TICRR: variants seen among roughly 807,000 people sequenced by gnomAD.
TICRR encodes treslin.
Under a neutral mutation model 178.1 loss-of-function variants are expected in TICRR, and 132 were observed. The observed-to-expected ratio is 0.74, with a 90% CI of 0.64 to 0.86. The LOEUF (loss-of-function observed/expected upper bound fraction) is 0.86, where lower values mean the gene tolerates loss of function less well. Ranked by LOEUF, TICRR falls within the 40% of genes least tolerant of loss-of-function variation. The probability of loss-of-function intolerance (pLI) is 0.00; values close to 1 mark genes in which losing one functional copy is unlikely to be tolerated. For missense variants in TICRR, 2,587 were observed against 2,334.3 expected (o/e 1.11, Z -2.23); for synonymous variants, 991 against 900.7 (o/e 1.10, Z -1.79).
At chr15:89,597,938 T>C (rs1963025489) in intron 7 of TICRR, among the ~76,000 whole-genome samples, 2 of 152,236 alleles carry the variant, frequency 1.3e-5, no homozygotes, top group Non-Finnish European at 2.9e-5. Context: ...ATATAGATCT[T>C]ATACAAATTT....
At position 89,625,418 on chromosome 15, in the gene TICRR, G is replaced by T. The variant is rs1963503200; in HGVS notation, c.5108G>T (p.Gly1703Val). The T allele has an allele frequency of 1.9e-6, 3 of 1,614,024 alleles. No homozygotes were observed. Among genetic ancestry groups the T allele is most frequent in the African/African-American group, 1.3e-5 (1 of 75,044 alleles). The change falls in exon 20 of 22, where the codon GGC becomes GTC. Residue 1703 changes from glycine to valine, a missense_variant. Physicochemically the swap from Gly to Val is moderately radical, Grantham distance 109. Transcript: ENST00000268138. ...GGCGCCGGCTCCTCTTCCGGGAGGG[G>T]CGAGGTCGGTGCAGACCTTCCTGGG... The part of the protein sequence containing the change: ...GCGAGSSSGR[G>V]EVGADLPGSL...
At chr15:89,600,015 A>G (rs8026074) in intron 8 of TICRR, among the ~76,000 whole-genome samples, 6,320 of 152,248 alleles carry the variant, frequency 0.042, 438 homozygotes, top group African/African-American at 0.14. Flanking sequence ...CTGAGGCAGG[A>G]GAATCGTTTT....
chr15:89,606,704 C>T, intron 13 of TICRR, 64 bp from the exon 14 acceptor site: 1 of 1,331,700 alleles, frequency 7.5e-7, no homozygotes, highest in Non-Finnish European at 1.1e-6. Context: ...CATGTGAAAT[C>T]TTTATTCTTT....
In TICRR at chr15:89,624,328, C is replaced by G; in HGVS notation, c.4018C>G (p.Gln1340Glu). Residue 1340 changes from glutamine to glutamate, a missense_variant, in exon 20 of 22, where the codon CAG (glutamine) becomes GAG (glutamate). Physicochemically the swap from Gln to Glu is conservative, Grantham distance 29. Coordinates refer to ENST00000268138, the MANE Select transcript of TICRR (RefSeq NM_152259.4). Reference sequence around the variant, plus strand: ...GTGTCCTTCCCCAGGAGAACTGGATCAGAAAGAGCCCCAGATGTCACCCAG... The same window carrying G: ...GTGTCCTTCCCCAGGAGAACTGGATGAGAAAGAGCCCCAGATGTCACCCAG... Reference protein sequence around the residue: ...IECPSPGELDQKEPQMSPSVA... With the variant: ...IECPSPGELDEKEPQMSPSVA... 1 of 1,614,182 alleles carries G rather than the reference C, an allele frequency of 6.2e-7. No homozygotes were observed. Among genetic ancestry groups the G allele is most frequent in the Non-Finnish European group, 8.5e-7 (1 of 1,180,044 alleles).
At chr15:89,581,055 AAGC>A (rs1379921297) in intron 1 of TICRR, among the ~76,000 whole-genome samples, 3 of 152,132 alleles carry the variant, frequency 2.0e-5, no homozygotes, top group African/African-American at 7.2e-5. Context: ...AAATAAATGA[AAGC>A]AGTCTATTCA....
rs757271602 is a variant in TICRR, at chr15:89,624,678, C to G, written c.4368C>G (p.Leu1456=). 9.3e-6 allele frequency: 15 copies of G among 1,614,098 alleles called. No individual in the cohort carries two copies. In the East Asian group the frequency reaches 3.3e-4, roughly 36 times the overall value. Residue 1456 remains leucine, a synonymous_variant, in exon 20 of 22, where the codon CTC becomes CTG. Coordinates refer to ENST00000268138, the MANE Select transcript of TICRR (RefSeq NM_152259.4). ...RSDWHASSPL[L]ITSDTEHVTL... ...ATTGGCATGCATCCTCTCCTCTGCTCATTACAAGTGACACAGAGCATGTCA... is the reference window on the plus strand; with the variant it reads ...ATTGGCATGCATCCTCTCCTCTGCTGATTACAAGTGACACAGAGCATGTCA...
chr15:89,589,616 A>G (rs193191756), intron 4 of TICRR, among the ~76,000 whole-genome samples: 315 of 152,296 alleles, frequency 2.1e-3, no homozygotes, highest in African/African-American at 7.3e-3. Flanking sequence ...AGAAGAAATC[A>G]TGTCATGTTT....
chr15:89,612,205 CTTG>C (rs1259586285), intron 15 of TICRR, among the ~76,000 whole-genome samples: 1 of 151,298 alleles, frequency 6.6e-6, no homozygotes, highest in African/African-American at 2.4e-5. Flanking sequence ...GTATGTATAC[CTTG>C]TTGTGTGTGG....
At chr15:89,613,876 C>T (rs373927536) in intron 15 of TICRR, among the ~76,000 whole-genome samples, 10 of 151,892 alleles carry the variant, frequency 6.6e-5, no homozygotes, top group South Asian at 2.1e-4. Context: ...TTGTTCTAGC[C>T]GGGCGCGGTG....
chr15:89,599,297 A>G (rs1351665924), intron 7 of TICRR, 27 bp from the exon 8 acceptor site: 1 of 1,570,058 alleles, frequency 6.4e-7, no homozygotes, highest in East Asian at 2.2e-5. Context: ...GATATGATTA[A>G]TCCATTTTAT....
chr15:89,609,015 C>A, intron 15 of TICRR, 66 bp downstream of exon 15: 3 of 1,411,122 alleles, frequency 2.1e-6, no homozygotes, highest in East Asian at 2.8e-5. Context: ...AGTAATGTAC[C>A]GTCTTTCTTT....
intron 13 of TICRR, among the ~76,000 whole-genome samples, chr15:89,604,459 AAGAC>A (rs767652124): frequency 3.9e-5 from 6 of 152,202 alleles, no homozygotes; most frequent in Non-Finnish European, 7.3e-5. Flanking sequence ...TAGATTGGAC[AAGAC>A]AGTTTTCTTC....
In TICRR at chr15:89,575,942, C is replaced by T. The variant is rs1962604337; in HGVS notation, c.356C>T (p.Thr119Met). 2 of 1,597,840 alleles carry T rather than the reference C, an allele frequency of 1.3e-6. No homozygotes were observed. The highest frequency in any genetic ancestry group is 1.7e-5 in the Admixed American group (1 of 58,022). Reference sequence around the variant, plus strand: ...TACCAGTGGGACCGGCCCGAGATCACGTCGCCCACGAAGCCGATCCTGCGG... The same window carrying T: ...TACCAGTGGGACCGGCCCGAGATCATGTCGCCCACGAAGCCGATCCTGCGG... ...LDYQWDRPEI[T>M]SPTKPILRSS... The change falls in exon 1 of 22, where the codon ACG becomes ATG. Residue 119 changes from threonine to methionine, a missense_variant. By Grantham distance (81) the Thr-to-Met change is moderately conservative (BLOSUM62 -1). Transcript: ENST00000268138.
At chr15:89,586,940 G>A (rs1237283998) in intron 4 of TICRR, among the ~76,000 whole-genome samples, 2 of 152,178 alleles carry the variant, frequency 1.3e-5, no homozygotes, top group Admixed American at 6.5e-5. Context: ...GACACCATCT[G>A]ACTTATGTTT....
At chr15:89,605,444 C>T (rs1963160536) in intron 13 of TICRR, among the ~76,000 whole-genome samples, 1 of 152,200 alleles carries the variant, frequency 6.6e-6, no homozygotes, top group Admixed American at 6.5e-5. Flanking sequence ...TCTCGACTCA[C>T]TGCAAGCTCC....
intron 1 of TICRR, 77 bp downstream of exon 1, chr15:89,576,317 A>G: frequency 7.4e-7 from 1 of 1,350,860 alleles, no homozygotes; most frequent in Non-Finnish European, 9.8e-7. Context: ...GCGTCCTTAG[A>G]ACAGCCACAG....
chr15:89,620,522 A>T (rs538717509), intron 18 of TICRR, among the ~76,000 whole-genome samples: 2 of 151,830 alleles, frequency 1.3e-5, no homozygotes, highest in South Asian at 4.2e-4. Context: ...ATGTGTTTTT[A>T]TATTTACAAA....
rs992383298 is a variant in TICRR, at chr15:89,615,067, C to T, written c.2870-1338C>T. ...AATGTCATCAGAGATTTGCAAAGTCCCCTGTGATGTCTCATTCCCCAATTT... is the reference window on the plus strand; with the variant it reads ...AATGTCATCAGAGATTTGCAAAGTCTCCTGTGATGTCTCATTCCCCAATTT... On this transcript the variant is annotated intron_variant, in intron 15 of 21. Transcript: ENST00000268138. Among the ~76,000 whole-genome samples the T allele has an allele frequency of 2.0e-5, 3 of 152,202 alleles. No homozygotes were observed. In the East Asian group the frequency reaches 5.8e-4, roughly 29 times the overall value.
Position 89,584,389 on chromosome 15 carries a change from G to A in TICRR, c.1038G>A (p.Val346=), listed in dbSNP as rs777321837. The change falls in exon 3 of 22, where the codon GTG becomes GTA. Residue 346 remains valine (V), a synonymous_variant. Transcript: ENST00000268138. ...TCAGAATTTTTCTAAAAGGCTCAGTGGCCCAGTGGTCTCTCCCAACGAGCA... is the reference window on the plus strand; with the variant it reads ...TCAGAATTTTTCTAAAAGGCTCAGTAGCCCAGTGGTCTCTCCCAACGAGCA... ...KPVRIFLKGS[V]AQWSLPTSST... 1.9e-6 allele frequency: 3 copies of A among 1,614,180 alleles called. 1 individual carries two copies. The South Asian group carries it at 3.3e-5, about 18-fold the overall frequency.
Sources: gnomAD v4.1 joint callset for allele counts (sites outside exome capture counted in the v4.1 genomes callset) on GRCh38, gnomAD v4.1.1 for gene constraint, MANE v1.5 for transcripts, NCBI Gene and HGNC (gene_info 2026-07-23, HGNC 2026-07-21) for gene names.